Variants in ANK3 observed in about 807,000 individuals in gnomAD.
ANK3 encodes ankyrin 3, also known as ankyrin-3.
ANK3 carries 57 observed loss-of-function variants against 370.9 expected under a neutral mutation model. The ratio of observed to expected loss-of-function variants is 0.15; its 90% CI spans 0.12 to 0.19. The LOEUF (loss-of-function observed/expected upper bound fraction) is 0.19, where lower values mean the gene tolerates loss of function less well. Ranked by LOEUF, ANK3 falls within the 10% of genes least tolerant of loss-of-function variation. The pLI, the probability that ANK3 is intolerant of heterozygous loss-of-function variation, is 1.00. For synonymous variants in ANK3, 1,929 were observed against 1,946.3 expected (o/e 0.99, Z 0.23); for missense variants, 4,439 against 5,302.1 (o/e 0.84, Z 5.06).
At chr10:60,199,917 T>A (rs2096646913) in intron 13 of ANK3, among the ~76,000 whole-genome samples, 1 of 152,214 alleles carries the variant, frequency 6.6e-6, no homozygotes, top group African/African-American at 2.4e-5. Flanking sequence ...CAAGTTCTCA[T>A]CTCATCCTAT....
chr10:60,599,847 G>A (rs2078036471), intron 2 of ANK3, among the ~76,000 whole-genome samples: 1 of 152,112 alleles, frequency 6.6e-6, no homozygotes, highest in Non-Finnish European at 1.5e-5. Flanking sequence ...ACAAGGCCCT[G>A]CCTTCCTCTG....
chr10:60,289,574 A>AT (rs1196567363), intron 1 of ANK3, among the ~76,000 whole-genome samples: 2 of 150,298 alleles, frequency 1.3e-5, no homozygotes, highest in African/African-American at 4.9e-5. Context: ...TAATTTTTGT[A>AT]TTTTTTGTAG....
Position 60,236,150 on chromosome 10 carries a change from G to GT in ANK3, c.799-1365dup, listed in dbSNP as rs150052113. Among the ~76,000 whole-genome samples the GT allele has an allele frequency of 4.1e-3, 617 of 150,656 alleles. 7 individuals carry two copies. Among genetic ancestry groups the GT allele is most frequent in the Middle Eastern group, 0.017 (5 of 286 alleles). ...TATTATTTCTTTTATGCTCCCTACT[G>GT]TTTTTTTTTCTTTCTGAAGGAGTTT... On this transcript the variant is annotated intron_variant, in intron 7 of 43. Coordinates refer to ENST00000280772, the MANE Select transcript of ANK3 (RefSeq NM_020987.5).
At chr10:60,241,865 C>T (rs1038690560) in intron 7 of ANK3, among the ~76,000 whole-genome samples, 2 of 152,238 alleles carry the variant, frequency 1.3e-5, no homozygotes, top group African/African-American at 4.8e-5. Context: ...ATCGGCTATA[C>T]ATACATTTAT....
rs146777038 is a variant in ANK3 at position 60,504,462 on chromosome 10, A to T, written c.96+110724T>A. The stretch of plus-strand genomic sequence containing the variant: ...AAGGATTTGATTATAATAAAGACTT[A>T]TTGGGTAGGAAAAGGCTTTTTTCCC... On this transcript the variant is annotated intron_variant, in intron 2 of 43. Transcript: ENST00000373827. Among the ~76,000 whole-genome samples the T allele has an allele frequency of 3.8e-3, 581 of 152,312 alleles. 2 individuals are homozygous for T. Among genetic ancestry groups the T allele is most frequent in the African/African-American group, 0.013 (561 of 41,572 alleles).
chr10:60,690,074 G>A (rs891748900), intron 1 of ANK3, among the ~76,000 whole-genome samples: 2 of 152,154 alleles, frequency 1.3e-5, no homozygotes, highest in African/African-American at 4.8e-5. Flanking sequence ...AGGATAAATA[G>A]TATTTAAATA....
chr10:60,468,190 G>C (rs960507201), intron 2 of ANK3, among the ~76,000 whole-genome samples: 32 of 151,886 alleles, frequency 2.1e-4, no homozygotes, highest in Admixed American at 1.2e-3. Context: ...CTCCATATTG[G>C]TCAGGCTGGT....
intron 28 of ANK3, among the ~76,000 whole-genome samples, chr10:60,097,173 G>A (rs949817450): frequency 2.6e-5 from 4 of 152,190 alleles, no homozygotes; most frequent in African/African-American, 9.7e-5. Context: ...GAGAGGTGAA[G>A]TGACTTGTCC....
intron 2 of ANK3, among the ~76,000 whole-genome samples, chr10:60,493,915 T>A (rs1357922250): frequency 6.6e-6 from 1 of 152,152 alleles, no homozygotes; most frequent in Non-Finnish European, 1.5e-5. Context: ...TGTGATTGAC[T>A]GCCCAACTTC....
chr10:60,131,999 C>T (rs16914787), intron 25 of ANK3, among the ~76,000 whole-genome samples: 4,831 of 152,176 alleles, frequency 0.032, 253 homozygotes, highest in African/African-American at 0.11. Context: ...TTTGTGGGGT[C>T]TCCTTAGAGT....
chr10:60,052,991 T>C (rs2131902139), intron 42 of ANK3, among the ~76,000 whole-genome samples: 1 of 152,348 alleles, frequency 6.6e-6, no homozygotes, highest in East Asian at 1.9e-4. Flanking sequence ...CAGCCTTGAC[T>C]TTACAGGAAA....
chr10:60,662,448 A>G (rs2078946940), intron 1 of ANK3, among the ~76,000 whole-genome samples: 1 of 152,206 alleles, frequency 6.6e-6, no homozygotes, highest in Admixed American at 6.5e-5. Context: ...TAATAGCTAT[A>G]TGATCTCTAG....
intron 2 of ANK3, among the ~76,000 whole-genome samples, chr10:60,466,609 T>C (rs548369500): frequency 4.5e-4 from 69 of 152,190 alleles, no homozygotes; most frequent in African/African-American, 1.4e-3. Flanking sequence ...ACACAAAACT[T>C]GTATATGAAT....
chr10:60,432,272 C>T (rs1359924642), intron 2 of ANK3, among the ~76,000 whole-genome samples: 1 of 152,100 alleles, frequency 6.6e-6, no homozygotes, highest in African/African-American at 2.4e-5. Flanking sequence ...CTTTTCTTTT[C>T]TTCCTTTTGT....
intron 1 of ANK3, among the ~76,000 whole-genome samples, chr10:60,376,391 CTAAT>C (rs1326265173): frequency 6.6e-6 from 1 of 152,194 alleles, no homozygotes; most frequent in African/African-American, 2.4e-5. Flanking sequence ...AGAATCCTAA[CTAAT>C]CCACCAGAAA....
intron 11 of ANK3, among the ~76,000 whole-genome samples, chr10:60,204,989 G>A (rs1426543649): frequency 6.6e-6 from 1 of 152,134 alleles, no homozygotes; most frequent in African/African-American, 2.4e-5. Flanking sequence ...AGAGTGTCTA[G>A]TCTATGGAAG....
intron 2 of ANK3, among the ~76,000 whole-genome samples, chr10:60,490,074 C>T (rs1488351640): frequency 1.3e-5 from 2 of 152,206 alleles, no homozygotes; most frequent in African/African-American, 2.4e-5. Context: ...TGCTCTCCCT[C>T]CCTGAAATCA....
chr10:60,340,053 T>C (rs2053897800), intron 1 of ANK3, among the ~76,000 whole-genome samples: 1 of 152,206 alleles, frequency 6.6e-6, no homozygotes, highest in Non-Finnish European at 1.5e-5. Flanking sequence ...CATTTAATTC[T>C]CACAAAAATT....
chr10:60,329,112 T>G (rs2050597203), intron 1 of ANK3, among the ~76,000 whole-genome samples: 1 of 152,182 alleles, frequency 6.6e-6, no homozygotes, highest in Non-Finnish European at 1.5e-5. Flanking sequence ...CTTAATGAAT[T>G]AGGTATTGAT....
Sources: allele counts gnomAD v4.1 joint callset (sites outside exome capture counted in the v4.1 genomes callset), GRCh38; gene constraint gnomAD v4.1.1; transcripts MANE v1.5; gene names NCBI Gene and HGNC (gene_info 2026-07-23, HGNC 2026-07-21).